The following FNTB variants were observed in gnomAD, a reference collection of about 807,000 sequenced individuals.
FNTB encodes protein farnesyltransferase subunit beta.
A neutral mutation model predicts 59.4 loss-of-function variants in FNTB; 27 were observed. The observed-to-expected ratio is 0.45, with a 90% CI of 0.34 to 0.63. The LOEUF (loss-of-function observed/expected upper bound fraction) is 0.63. FNTB is among the 20% of genes least tolerant of loss of function. FNTB has a pLI of 0.02. For synonymous variants in FNTB, 230 were observed against 220.7 expected (o/e 1.04, Z -0.37); for missense variants, 449 against 559.6 (o/e 0.80, Z 1.99).
rs1287285853 is a variant in FNTB at position 65,007,169 on chromosome 14, A to G, written c.209+2856A>G. ...TATAAGGCTGAAGGCAAACATCACC[A>G]TCATAGAATAAGCGAGGATATAAGA... On this transcript the variant is annotated intron_variant, in intron 2 of 11. Transcript: ENST00000246166. This position sits in a 1 kb window ranked among gnomAD's most constrained non-coding sequence, Gnocchi z 4.9. 6.6e-6 allele frequency among the ~76,000 whole-genome samples: 1 copy of G among 152,234 alleles called. No homozygotes were observed. Among genetic ancestry groups the G allele is most frequent in the Non-Finnish European group, 1.5e-5 (1 of 68,034 alleles).
At position 65,044,421 on chromosome 14, in the gene FNTB, C is replaced by T. The variant is rs1320216858; in HGVS notation, c.933C>T (p.Leu311=). The change falls in exon 9 of 12, where the codon CTC becomes CTT. Residue 311 remains leucine (L), a synonymous_variant. Coordinates refer to ENST00000246166, the MANE Select transcript of FNTB (RefSeq NM_002028.4). The surrounding 1 kb of genome is among the most constrained non-coding windows in gnomAD (Gnocchi z 5.5). The part of the protein sequence containing the change: ...SFWQAGLLPL[L]HRALHAQGDP... ...GGCAGGCGGGGCTCCTGCCCCTGCTCCACCGCGCACTGCACGCCCAAGGTG... is the reference window on the plus strand; with the variant it reads ...GGCAGGCGGGGCTCCTGCCCCTGCTTCACCGCGCACTGCACGCCCAAGGTG... 5 of 1,611,842 alleles carry T rather than the reference C, an allele frequency of 3.1e-6. No individual in the cohort carries two copies. The East Asian group carries it at 8.9e-5, about 29-fold the overall frequency.
At chr14:65,045,738 T>G (rs1223113173) in intron 9 of FNTB, among the ~76,000 whole-genome samples, 7 of 151,978 alleles carry the variant, frequency 4.6e-5, no homozygotes, top group African/African-American at 1.7e-4. Flanking sequence ...ATTTAGTTTC[T>G]TAATTTCCTT....
chr14:65,037,467 A>ATGTGTCTCCCAGATTGGAGTGCAGTGAG (rs1279018673), intron 7 of FNTB, among the ~76,000 whole-genome samples: 20 of 55,404 alleles, frequency 3.6e-4, no homozygotes, highest in Non-Finnish European at 5.7e-4. Flanking sequence ...TTTTTGTTTT[A>ATGTGTCTCCCAGATTGGAGTGCAGTGAG]TGTGTCTCCC....
At chr14:65,005,522 T>C (rs1267347571) in intron 2 of FNTB, among the ~76,000 whole-genome samples, 1 of 63,840 alleles carries the variant, frequency 1.6e-5, no homozygotes, top group Non-Finnish European at 3.1e-5. Context: ...TCTCTCTCTC[T>C]TTCTCTTTCT....
chr14:65,006,944 G>GA (rs1013524964), intron 2 of FNTB, among the ~76,000 whole-genome samples: 8 of 150,770 alleles, frequency 5.3e-5, no homozygotes, highest in Non-Finnish European at 1.2e-4. Context: ...GTATGGGTGG[G>GA]AAAAAAAAAG....
At chr14:65,002,829 TAAGG>T (rs1316360897) in intron 1 of FNTB, among the ~76,000 whole-genome samples, 1 of 152,132 alleles carries the variant, frequency 6.6e-6, no homozygotes, top group Non-Finnish European at 1.5e-5. Context: ...GACAGGGAGA[TAAGG>T]AAGCTGTATT....
intron 3 of FNTB, among the ~76,000 whole-genome samples, chr14:65,013,580 C>T (rs551471617): frequency 2.6e-5 from 4 of 152,158 alleles, no homozygotes; most frequent in Non-Finnish European, 5.9e-5. Context: ...GATGGAGTCT[C>T]GCTGTATTTC....
chr14:65,060,682 CG>C (rs1368394923), intron 11 of FNTB, among the ~76,000 whole-genome samples: 1 of 79,138 alleles, frequency 1.3e-5, no homozygotes, highest in Admixed American at 1.1e-4. Context: ...GGCGACAGAG[CG>C]AGAGACTCCG....
rs977512479 is a variant in FNTB at position 65,011,566 on chromosome 14, C to T, written c.210-751C>T. The stretch of plus-strand genomic sequence containing the variant: ...CTCTTTCCTTTGTTTCTGTAATCTG[C>T]AAGCACGGGGAACATCTTGACAATC... On this transcript the variant is annotated intron_variant, in intron 2 of 11. Coordinates refer to ENST00000246166, the MANE Select transcript of FNTB (RefSeq NM_002028.4). The surrounding 1 kb of genome is among the most constrained non-coding windows in gnomAD (Gnocchi z 4.0). 6.6e-6 allele frequency among the ~76,000 whole-genome samples: 1 copy of T among 152,160 alleles called. No individual in the cohort carries two copies. Among genetic ancestry groups the T allele is most frequent in the Non-Finnish European group, 1.5e-5 (1 of 68,042 alleles).
At chr14:65,003,743 T>G (rs2061543516) in intron 1 of FNTB, 1 of 152,274 alleles carries the variant, frequency 6.6e-6, no homozygotes, top group Non-Finnish European at 1.5e-5. Flanking sequence ...TAGTTTCCTC[T>G]GATTTAGTCA....
In FNTB at chr14:65,009,243, T is replaced by A. The variant is rs1402347518; in HGVS notation, c.210-3074T>A. 6.6e-6 allele frequency among the ~76,000 whole-genome samples: 1 copy of A among 152,192 alleles called. No individual in the cohort carries two copies. Among genetic ancestry groups the A allele is most frequent in the Non-Finnish European group, 1.5e-5 (1 of 68,018 alleles). The stretch of plus-strand genomic sequence containing the variant: ...AACCACAGAGATTTATTTTTTCACA[T>A]TTCTGGAGGCCAGAAGTCTAAGACC... On this transcript the variant is annotated intron_variant, in intron 2 of 11. Coordinates refer to ENST00000246166, the MANE Select transcript of FNTB (RefSeq NM_002028.4). This position sits in a 1 kb window ranked among gnomAD's most constrained non-coding sequence, Gnocchi z 4.2.
At chr14:64,995,111 C>A (rs1888344467) in intron 1 of FNTB, among the ~76,000 whole-genome samples, 2 of 152,180 alleles carry the variant, frequency 1.3e-5, no homozygotes, top group African/African-American at 4.8e-5. Context: ...CACAAACGCA[C>A]ACATTAGCCT....
Position 65,055,180 on chromosome 14 carries a change from T to C in FNTB, c.1182+491T>C, listed in dbSNP as rs959670609. Reference sequence around the variant, plus strand: ...TCTTTGTAGTACTTTACTCAGTTGGTGGTGTGTTGTTTAATGTGTGTTTGT... The same window carrying C: ...TCTTTGTAGTACTTTACTCAGTTGGCGGTGTGTTGTTTAATGTGTGTTTGT... On this transcript the variant is annotated intron_variant, in intron 11 of 11. Coordinates refer to ENST00000246166, the MANE Select transcript of FNTB (RefSeq NM_002028.4). 5.5e-5 allele frequency among the ~76,000 whole-genome samples: 8 copies of C among 145,460 alleles called. No individual in the cohort carries two copies. The East Asian group carries it at 1.6e-3, about 29-fold the overall frequency.
rs1008161158 is a variant in FNTB, at chr14:64,986,900, G to C, written c.-54G>C. ...CTTTAGCCCGCTCGAGTTTCAATGC[G>C]CGTTGTTGCTTAACGAAGCAGAGTC... On this transcript the variant is annotated 5_prime_UTR_variant, in exon 1 of 12. Transcript: ENST00000246166. 23 of 1,604,338 alleles carry C rather than the reference G, an allele frequency of 1.4e-5. No homozygotes were observed. Among genetic ancestry groups the C allele is most frequent in the African/African-American group, 5.4e-5 (4 of 74,726 alleles).
intron 4 of FNTB, among the ~76,000 whole-genome samples, chr14:65,016,725 T>C (rs1368779221): frequency 6.6e-6 from 1 of 152,160 alleles, no homozygotes; most frequent in Non-Finnish European, 1.5e-5. Flanking sequence ...TTGTGATGAA[T>C]GTGGATGGGG....
intron 4 of FNTB, among the ~76,000 whole-genome samples, chr14:65,025,085 A>G (rs1426464411): frequency 6.6e-6 from 1 of 152,160 alleles, no homozygotes; most frequent in Non-Finnish European, 1.5e-5. Context: ...GTTCTGTAAT[A>G]CGGAAGTGTC....
At chr14:65,053,143 A>C in intron 9 of FNTB, 95 bp from the exon 10 acceptor site, 55 of 977,014 alleles carry the variant, frequency 5.6e-5, no homozygotes, top group South Asian at 8.8e-5. Flanking sequence ...GGGAGCAGGA[A>C]ACCTTGACTA....
At chr14:65,004,342 TC>T in intron 2 of FNTB, 29 bp downstream of exon 2, 1 of 1,607,796 alleles carries the variant, frequency 6.2e-7, no homozygotes, top group South Asian at 1.1e-5. Context: ...TTTGAGGGGA[TC>T]TGGGAGAACA....
At chr14:65,004,538 G>C (rs2061552296) in intron 2 of FNTB, among the ~76,000 whole-genome samples, 1 of 152,192 alleles carries the variant, frequency 6.6e-6, no homozygotes, top group African/African-American at 2.4e-5. Context: ...GTGTTACATG[G>C]GGATTCCCCT....
Sources: gnomAD v4.1 joint callset for allele counts (sites outside exome capture counted in the v4.1 genomes callset) on GRCh38, gnomAD v4.1.1 for gene constraint, Gnocchi (gnomAD v3.1) non-coding constraint, MANE v1.5 for transcripts, NCBI Gene and HGNC (gene_info 2026-07-23, HGNC 2026-07-21) for gene names.